The following ZDHHC14 variants were observed in gnomAD, a reference collection of about 807,000 sequenced individuals.
The protein encoded by ZDHHC14 is palmitoyltransferase ZDHHC14.
In ZDHHC14, 16 loss-of-function variants were observed where a neutral mutation model predicts 47.7. The observed-to-expected ratio is 0.34, with a 90% CI of 0.23 to 0.51. The LOEUF is 0.51. Among genes scored for constraint, ZDHHC14 ranks in the 20% least tolerant of loss-of-function variants. The pLI, the probability that ZDHHC14 is intolerant of heterozygous loss-of-function variation, is 0.97. For missense variants in ZDHHC14, 515 were observed against 662.5 expected, an observed-to-expected ratio of 0.78 and a Z score of 2.44; for synonymous variants, 293 against 278.9, an observed-to-expected ratio of 1.05 and a Z score of -0.50.
chr6:157,391,317 T>C (rs1562406821), intron 1 of ZDHHC14, among the ~76,000 whole-genome samples: 1 of 152,342 alleles, frequency 6.6e-6, no homozygotes, highest in Middle Eastern at 3.4e-3. Flanking sequence ...ATCTTCCCTG[T>C]ACAGCTGCTG....
intron 3 of ZDHHC14, among the ~76,000 whole-genome samples, chr6:157,606,128 A>T (rs1330362031): frequency 6.6e-6 from 1 of 152,206 alleles, no homozygotes; most frequent in East Asian, 1.9e-4. Flanking sequence ...TCTATGCCTC[A>T]GACCGGGCAT....
rs1402861536 is a variant in ZDHHC14 at position 157,502,048 on chromosome 6, T to C, written c.246-40537T>C. Among the ~76,000 whole-genome samples the C allele has an allele frequency of 1.3e-5, 2 of 152,208 alleles. No homozygotes were observed. Among genetic ancestry groups the C allele is most frequent in the African/African-American group, 2.4e-5 (1 of 41,450 alleles). ...ATATGTACGGAGCACTTATGATGTA[T>C]TCTCATAATCCACCCAACAGTCTTG... On this transcript the variant is annotated intron_variant, in intron 1 of 8. Coordinates refer to ENST00000359775, the MANE Select transcript of ZDHHC14 (RefSeq NM_024630.3). This position sits in a 1 kb window ranked among gnomAD's most constrained non-coding sequence, Gnocchi z 4.0.
intron 2 of ZDHHC14, among the ~76,000 whole-genome samples, chr6:157,580,206 T>C (rs888510403): frequency 1.3e-5 from 2 of 152,242 alleles, no homozygotes; most frequent in African/African-American, 2.4e-5. Context: ...CATTTACTGA[T>C]CTATGTATGT....
chr6:157,466,366 A>G (rs896150805), intron 1 of ZDHHC14, among the ~76,000 whole-genome samples: 1 of 152,208 alleles, frequency 6.6e-6, no homozygotes, highest in African/African-American at 2.4e-5. Context: ...ATCACAGCCC[A>G]TACCTGCGTC....
intron 1 of ZDHHC14, among the ~76,000 whole-genome samples, chr6:157,467,154 A>G (rs1779238696): frequency 1.3e-5 from 2 of 152,156 alleles, no homozygotes; most frequent in South Asian, 2.1e-4. Flanking sequence ...TTTTTACAGC[A>G]CCTTTATTGA....
intron 1 of ZDHHC14, among the ~76,000 whole-genome samples, chr6:157,416,552 C>G (rs984579599): frequency 1.3e-5 from 2 of 151,348 alleles, no homozygotes; most frequent in Non-Finnish European, 2.9e-5. Context: ...ACCTGTGGTC[C>G]CAGCTGCTCC....
intron 7 of ZDHHC14, among the ~76,000 whole-genome samples, chr6:157,648,365 T>C (rs147698276): frequency 1.3e-5 from 2 of 152,268 alleles, no homozygotes; most frequent in East Asian, 1.9e-4. Flanking sequence ...CTTACCGATA[T>C]GCGCTTGTGG....
intron 2 of ZDHHC14, among the ~76,000 whole-genome samples, chr6:157,587,981 A>G (rs1783757922): frequency 6.6e-6 from 1 of 152,172 alleles, no homozygotes; most frequent in African/African-American, 2.4e-5. Context: ...TAGGCTGGGT[A>G]CTGTGACTCA....
At chr6:157,453,641 TA>T (rs1583658631) in intron 1 of ZDHHC14, among the ~76,000 whole-genome samples, 6 of 152,332 alleles carry the variant, frequency 3.9e-5, no homozygotes, top group Admixed American at 2.0e-4. Context: ...ATTCAGTAGG[TA>T]TTTCTTGAGC....
At chr6:157,385,350 T>C (rs1777289940) in intron 1 of ZDHHC14, among the ~76,000 whole-genome samples, 1 of 152,204 alleles carries the variant, frequency 6.6e-6, no homozygotes, top group African/African-American at 2.4e-5. Context: ...CCCAAAGTGC[T>C]GAGATTATAG....
chr6:157,664,410 C>G (rs567194330), intron 8 of ZDHHC14, among the ~76,000 whole-genome samples: 27 of 152,294 alleles, frequency 1.8e-4, no homozygotes, highest in African/African-American at 6.5e-4. Flanking sequence ...ATTTTGTTAT[C>G]TTACACCAAA....
chr6:157,402,181 G>A (rs1228549323), intron 1 of ZDHHC14, among the ~76,000 whole-genome samples: 1 of 151,426 alleles, frequency 6.6e-6, no homozygotes, highest in Non-Finnish European at 1.5e-5. Flanking sequence ...ACCTGCTGAG[G>A]TCATAACTGC....
chr6:157,556,097 A>C (rs1212688459), intron 2 of ZDHHC14, among the ~76,000 whole-genome samples: 1 of 152,096 alleles, frequency 6.6e-6, no homozygotes, highest in East Asian at 1.9e-4. Flanking sequence ...TAGCGACTGA[A>C]CAGGAAAATA....
intron 1 of ZDHHC14, among the ~76,000 whole-genome samples, chr6:157,418,517 A>G (rs1305705165): frequency 6.6e-6 from 1 of 152,200 alleles, no homozygotes; most frequent in Non-Finnish European, 1.5e-5. Flanking sequence ...TGTGCCCTTT[A>G]TCTAGGAAGG....
intron 1 of ZDHHC14, among the ~76,000 whole-genome samples, chr6:157,484,027 C>G (rs1390349323): frequency 1.3e-5 from 2 of 151,932 alleles, no homozygotes; most frequent in African/African-American, 2.4e-5. Flanking sequence ...TTATCCTAAG[C>G]AAACTAACAC....
intron 1 of ZDHHC14, among the ~76,000 whole-genome samples, chr6:157,431,504 C>A (rs917765464): frequency 6.6e-6 from 1 of 151,940 alleles, no homozygotes; most frequent in African/African-American, 2.4e-5. Flanking sequence ...GACAAGAATT[C>A]TGTTTTGGAG....
chr6:157,587,827 AAAG>A (rs757670043), intron 2 of ZDHHC14, among the ~76,000 whole-genome samples: 11 of 152,234 alleles, frequency 7.2e-5, no homozygotes, highest in Non-Finnish European at 1.5e-4. Context: ...ACAGCCATTT[AAAG>A]AAGACCAAGG....
At chr6:157,590,536 T>A (rs1783869586) in intron 2 of ZDHHC14, among the ~76,000 whole-genome samples, 2 of 152,168 alleles carry the variant, frequency 1.3e-5, no homozygotes, top group African/African-American at 4.8e-5. Context: ...CAGAAGACAA[T>A]AATTGAGGTT....
chr6:157,578,711 T>C (rs930446906), intron 2 of ZDHHC14, among the ~76,000 whole-genome samples: 1 of 152,328 alleles, frequency 6.6e-6, no homozygotes, highest in Admixed American at 6.5e-5. Context: ...CGAGATCTGA[T>C]GGTTTTATAA....
Sources: gnomAD v4.1 joint callset for allele counts (sites outside exome capture counted in the v4.1 genomes callset) on GRCh38, gnomAD v4.1.1 for gene constraint, Gnocchi (gnomAD v3.1) non-coding constraint, MANE v1.5 for transcripts, NCBI Gene and HGNC (gene_info 2026-07-23, HGNC 2026-07-21) for gene names.